Variants in PGM2L1 observed in about 807,000 individuals in gnomAD.
PGM2L1 encodes the protein glucose 1,6-bisphosphate synthase.
A neutral mutation model predicts 73.4 loss-of-function variants in PGM2L1; 35 were observed. The ratio of observed to expected loss-of-function variants is 0.48; its 90% CI spans 0.36 to 0.63. PGM2L1 has a LOEUF of 0.63. Ranked by LOEUF, PGM2L1 falls within the 30% of genes least tolerant of loss-of-function variation. The pLI, the probability that PGM2L1 is intolerant of heterozygous loss-of-function variation, is 0.00. For missense variants in PGM2L1, 570 were observed against 742.0 expected (o/e 0.77, Z 2.69); for synonymous variants, 225 against 253.8 (o/e 0.89, Z 1.08).
intron 1 of PGM2L1, among the ~76,000 whole-genome samples, chr11:74,388,285 TTAAGAGGG>T (rs1486004641): frequency 3.3e-5 from 5 of 151,958 alleles, no homozygotes; most frequent in Non-Finnish European, 7.4e-5. Context: ...GGAAAATCTG[TTAAGAGGG>T]TAAATCTCAT....
At position 74,355,204 on chromosome 11, in the gene PGM2L1, A is replaced by G. The variant is rs535443046; in HGVS notation, c.556-3628T>C. 1.5e-5 allele frequency: 22 copies of G among 1,435,604 alleles called. No homozygotes were observed. In the African/African-American group the frequency reaches 2.4e-4, roughly 15 times the overall value. 88.9% of individuals were successfully genotyped at this position (1,435,604 alleles called of 1,614,324 possible). On this transcript the variant is annotated intron_variant, in intron 5 of 13. Transcript: ENST00000298198. ...AACAGATTTGGTAATGATGGAAGCA[A>G]TTTTGGAGGTGGTGGAAGCTACAAT... is the stretch of plus-strand genomic sequence containing the variant.
At chr11:74,369,891 C>T (rs572270943) in intron 4 of PGM2L1, among the ~76,000 whole-genome samples, 139 of 152,096 alleles carry the variant, frequency 9.1e-4, no homozygotes, top group African/African-American at 3.1e-3. Context: ...GGATTACAGG[C>T]GTGCACCACC....
intron 1 of PGM2L1, among the ~76,000 whole-genome samples, chr11:74,391,901 T>G (rs1271988049): frequency 6.6e-6 from 1 of 152,224 alleles, no homozygotes; most frequent in African/African-American, 2.4e-5. Flanking sequence ...AATGGCCAGT[T>G]GGAAGCCCTG....
At chr11:74,380,003 A>G (rs7944740) in intron 1 of PGM2L1, among the ~76,000 whole-genome samples, 4,007 of 152,268 alleles carry the variant, frequency 0.026, 173 homozygotes, top group African/African-American at 0.092. Flanking sequence ...TAAGAACTCA[A>G]ATACTTCTAA....
chr11:74,373,578 A>G (rs917030073), intron 2 of PGM2L1, among the ~76,000 whole-genome samples: 7 of 152,214 alleles, frequency 4.6e-5, no homozygotes, highest in Admixed American at 4.6e-4. Context: ...TTGTTTCTAG[A>G]GTGAGCTGCA....
At chr11:74,355,504 A>G in intron 5 of PGM2L1, 2 of 334,180 alleles carry the variant, frequency 6.0e-6, no homozygotes, top group South Asian at 2.5e-5. Context: ...CAGTGAGCCG[A>G]GATCGCGCCA....
Position 74,374,601 on chromosome 11 carries a change from A to G in PGM2L1, c.112-19T>C. ...TGGGATTCTATAAAAAAGAAGTATT[A>G]AAACTTAACCAGGAATCCAAGCAGA... is the stretch of plus-strand genomic sequence containing the variant. On this transcript the variant is annotated intron_variant, in intron 1 of 13. Coordinates refer to ENST00000298198, the MANE Select transcript of PGM2L1 (RefSeq NM_173582.6). 6.2e-7 allele frequency: 1 copy of G among 1,607,276 alleles called. No individual in the cohort carries two copies. The highest frequency in any genetic ancestry group is 8.5e-7 in the Non-Finnish European group (1 of 1,175,066).
In PGM2L1 at chr11:74,334,086, C is replaced by T. The variant is rs563141218; in HGVS notation, c.*2566G>A. 1 of 152,218 alleles carries T rather than the reference C, an allele frequency of 6.6e-6. No individual in the cohort carries two copies. Among genetic ancestry groups the T allele is most frequent in the Admixed American group, 6.5e-5 (1 of 15,294 alleles). 9.4% of individuals were successfully genotyped at this position (152,218 alleles called of 1,614,324 possible). A position where few individuals can be genotyped will look rare whatever the true frequency, so the allele number is the denominator to read the frequency against. Reference sequence around the variant, plus strand: ...CATGACAGGCTAGAATAAAATAATTCCCTCAATCGATACACTTCAGGAACA... The same window carrying T: ...CATGACAGGCTAGAATAAAATAATTTCCTCAATCGATACACTTCAGGAACA... On this transcript the variant is annotated 3_prime_UTR_variant, in exon 14 of 14. Transcript: ENST00000298198.
rs115310991 is a variant in PGM2L1 at position 74,336,966 on chromosome 11, A to G, written c.1767-212T>C. On this transcript the variant is annotated intron_variant, in intron 13 of 13. Coordinates refer to ENST00000298198, the MANE Select transcript of PGM2L1 (RefSeq NM_173582.6). Reference sequence around the variant, plus strand: ...CACAAACTGAAGGTGAACTGCATTAATAGGAGTTCCTTGGCACATGATAAA... The same window carrying G: ...CACAAACTGAAGGTGAACTGCATTAGTAGGAGTTCCTTGGCACATGATAAA... 5.3e-3 allele frequency among the ~76,000 whole-genome samples: 808 copies of G among 152,308 alleles called. 8 individuals are homozygous for G. The highest frequency in any genetic ancestry group is 0.016 in the African/African-American group (676 of 41,570).
intron 1 of PGM2L1, among the ~76,000 whole-genome samples, chr11:74,374,906 T>G (rs1384713435): frequency 2.6e-5 from 4 of 152,174 alleles, no homozygotes; most frequent in African/African-American, 9.7e-5. Context: ...ATCAATTAAG[T>G]TAGAGTCTAT....
intron 6 of PGM2L1, among the ~76,000 whole-genome samples, chr11:74,349,377 A>T (rs1862315175): frequency 6.6e-6 from 1 of 152,198 alleles, no homozygotes; most frequent in East Asian, 1.9e-4. Flanking sequence ...GTTTTAATTC[A>T]TTGAGGTGAT....
chr11:74,397,351 G>A (rs1180921305), intron 1 of PGM2L1, among the ~76,000 whole-genome samples: 1 of 151,756 alleles, frequency 6.6e-6, no homozygotes, highest in African/African-American at 2.4e-5. Flanking sequence ...CAACTTGGAG[G>A]TGGGGGCGGA....
intron 1 of PGM2L1, among the ~76,000 whole-genome samples, chr11:74,392,120 A>G (rs1863111475): frequency 6.6e-6 from 1 of 152,210 alleles, no homozygotes; most frequent in Non-Finnish European, 1.5e-5. Flanking sequence ...TGCTTCTAGT[A>G]TATTACTTAG....
chr11:74,390,046 G>C (rs530007928), intron 1 of PGM2L1, among the ~76,000 whole-genome samples: 1 of 148,330 alleles, frequency 6.7e-6, no homozygotes, highest in African/African-American at 2.5e-5. Flanking sequence ...GTGAACCCGG[G>C]AGGCAGAGCT....
intron 2 of PGM2L1, among the ~76,000 whole-genome samples, chr11:74,373,195 C>G (rs1862801618): frequency 6.6e-6 from 1 of 152,176 alleles, no homozygotes; most frequent in Non-Finnish European, 1.5e-5. Context: ...CCTCCCCCAC[C>G]CCTTTTTGTA....
intron 3 of PGM2L1, 88 bp downstream of exon 3, chr11:74,371,623 T>G: frequency 1.9e-6 from 2 of 1,047,686 alleles, no homozygotes; most frequent in Non-Finnish European, 2.9e-6. Context: ...CAGTCTACTG[T>G]TTCAGAAATC....
intron 5 of PGM2L1, among the ~76,000 whole-genome samples, chr11:74,357,242 T>C (rs1003808465): frequency 4.6e-5 from 7 of 152,290 alleles, no homozygotes; most frequent in African/African-American, 1.7e-4. Context: ...TTTTCTGCTC[T>C]GCAAAAGGCA....
At chr11:74,344,415 ACTT>A (rs980862037) in intron 9 of PGM2L1, among the ~76,000 whole-genome samples, 9 of 152,310 alleles carry the variant, frequency 5.9e-5, no homozygotes, top group East Asian at 1.9e-4. Context: ...GTTACTAACT[ACTT>A]CTTTAAATAA....
chr11:74,396,520 T>G (rs1212228182), intron 1 of PGM2L1, among the ~76,000 whole-genome samples: 2 of 152,158 alleles, frequency 1.3e-5, no homozygotes, highest in Non-Finnish European at 2.9e-5. Context: ...GTTCAAGCCA[T>G]TCTCCTGCCT....
Sources: gnomAD v4.1 joint callset for allele counts (sites outside exome capture counted in the v4.1 genomes callset) on GRCh38, gnomAD v4.1.1 for gene constraint, MANE v1.5 for transcripts, NCBI Gene and HGNC (gene_info 2026-07-23, HGNC 2026-07-21) for gene names.